Variants in FSTL5 observed in about 807,000 individuals in gnomAD.
FSTL5 encodes follistatin like 5.
A neutral mutation model predicts 89.1 loss-of-function variants in FSTL5; 62 were observed. That is an observed-to-expected ratio of 0.70 (90% CI 0.57 to 0.86). The LOEUF (loss-of-function observed/expected upper bound fraction) is 0.86, where lower values mean the gene tolerates loss of function less well. Among genes scored for constraint, FSTL5 ranks in the 40% least tolerant of loss-of-function variants. The pLI is 0.00. For synonymous variants in FSTL5, 383 were observed against 346.2 expected, an observed-to-expected ratio of 1.11 and a Z score of -1.18; for missense variants, 1,057 against 1,001.6, an observed-to-expected ratio of 1.06 and a Z score of -0.75.
chr4:161,463,432 G>A (rs895621716), intron 13 of FSTL5, among the ~76,000 whole-genome samples: 15 of 152,050 alleles, frequency 9.9e-5, no homozygotes, highest in African/African-American at 3.6e-4. Context: ...TTTTATACAA[G>A]AAACATTTAT....
chr4:162,006,353 G>A lies in FSTL5; in HGVS notation c.160+27272C>T, dbSNP rs546698501. Among the ~76,000 whole-genome samples, 15 of 151,960 alleles carry A rather than the reference G, an allele frequency of 9.9e-5. No individual in the cohort carries two copies. The South Asian group carries it at 3.1e-3, about 31-fold the overall frequency. The stretch of plus-strand genomic sequence containing the variant: ...TCAAGAGAAAATGAGTAAAACTAGA[G>A]CTTTTAAAAATAACCACCTTCCTTT... On this transcript the variant is annotated intron_variant, in intron 3 of 15. Coordinates refer to ENST00000306100, the MANE Select transcript of FSTL5 (RefSeq NM_020116.5).
At chr4:161,388,214 C>G (rs946164511) in intron 15 of FSTL5, 3 of 151,974 alleles carry the variant, frequency 2.0e-5, no homozygotes, top group Non-Finnish European at 4.4e-5. Flanking sequence ...TATTTGCTAA[C>G]TGTTTATCTT....
chr4:161,732,572 C>A (rs1482146328), intron 6 of FSTL5, among the ~76,000 whole-genome samples: 1 of 151,960 alleles, frequency 6.6e-6, no homozygotes, highest in Non-Finnish European at 1.5e-5. Flanking sequence ...TTAGCCAAAA[C>A]AAGGCATGCA....
At chr4:161,837,083 A>G (rs1022817909) in intron 4 of FSTL5, among the ~76,000 whole-genome samples, 10 of 152,176 alleles carry the variant, frequency 6.6e-5, no homozygotes, top group Admixed American at 3.3e-4. Context: ...GTTAAAATGC[A>G]GTGATAGGTG....
chr4:162,150,285 T>C (rs976734483), intron 1 of FSTL5, among the ~76,000 whole-genome samples: 12 of 152,246 alleles, frequency 7.9e-5, no homozygotes, highest in South Asian at 2.1e-4. Context: ...ACAGAGATCA[T>C]TGGAGCCTTT....
intron 3 of FSTL5, among the ~76,000 whole-genome samples, chr4:161,980,021 T>TA (rs1208168707): frequency 9.7e-6 from 1 of 103,218 alleles, no homozygotes; most frequent in Non-Finnish European, 2.1e-5. Flanking sequence ...ACCAAAAAAT[T>TA]AAAAAAATAA....
chr4:161,595,967 T>C (rs548088108), intron 7 of FSTL5, among the ~76,000 whole-genome samples: 1 of 152,144 alleles, frequency 6.6e-6, no homozygotes, highest in Admixed American at 6.6e-5. Context: ...AAGTAACTTA[T>C]TTTCAAATTC....
Position 161,708,220 on chromosome 4 carries a change from T to C in FSTL5, c.727+51191A>G, listed in dbSNP as rs892408153. ...TCTTCTCTATCATGTTTTTTTCACC[T>C]TCGTTTGTTTCAGGTTGAAAACTAC... is the stretch of plus-strand genomic sequence containing the variant. On this transcript the variant is annotated intron_variant, in intron 6 of 15. Transcript: ENST00000306100. Among the ~76,000 whole-genome samples the C allele has an allele frequency of 2.6e-5, 4 of 152,144 alleles. No homozygotes were observed. In the South Asian group the frequency reaches 8.3e-4, roughly 32 times the overall value.
intron 10 of FSTL5, among the ~76,000 whole-genome samples, chr4:161,531,530 C>T (rs1280370871): frequency 1.3e-5 from 2 of 151,998 alleles, no homozygotes; most frequent in African/African-American, 2.4e-5. Flanking sequence ...AGAAGAAAAG[C>T]GCATTACAGA....
At chr4:161,579,731 C>CAAAAAAAAAAAAA (rs33926609) in intron 8 of FSTL5, among the ~76,000 whole-genome samples, 1 of 98,826 alleles carries the variant, frequency 1.0e-5, no homozygotes. Context: ...CAAAAACAAA[C>CAAAAAAAAAAAAA]AAAAAAAAAA....
chr4:161,865,252 G>C (rs1216814259), intron 4 of FSTL5, among the ~76,000 whole-genome samples: 2 of 152,018 alleles, frequency 1.3e-5, no homozygotes, highest in African/African-American at 2.4e-5. Context: ...GATAAAAAGC[G>C]ACCAAGAGTT....
intron 4 of FSTL5, among the ~76,000 whole-genome samples, chr4:161,781,342 T>A (rs950078029): frequency 1.1e-4 from 17 of 151,904 alleles, no homozygotes; most frequent in African/African-American, 1.7e-4. Flanking sequence ...AAAAAAAAAA[T>A]TTAAATCTAA....
chr4:162,149,572 G>C (rs80086708), intron 1 of FSTL5, among the ~76,000 whole-genome samples: 7,364 of 152,064 alleles, frequency 0.048, 361 homozygotes, highest in African/African-American at 0.12. Flanking sequence ...AAGATCGCTA[G>C]AGCCCAGTAG....
rs1424673633 is a variant in FSTL5 at position 161,512,917 on chromosome 4, TATA to T, written c.1313-2496_1313-2494del. ...ATTATCAAGATTGAATTACTGTATT[TATA>T]ATGATTGTTTTACTACACAAACAGA... On this transcript the variant is annotated intron_variant, in intron 10 of 15. Coordinates refer to ENST00000306100, the MANE Select transcript of FSTL5 (RefSeq NM_020116.5). Among the ~76,000 whole-genome samples the T allele has an allele frequency of 5.9e-5, 9 of 152,188 alleles. No individual in the cohort carries two copies. The East Asian group carries it at 1.7e-3, about 29-fold the overall frequency.
At chr4:162,132,154 A>G (rs1010938235) in intron 1 of FSTL5, among the ~76,000 whole-genome samples, 1 of 152,246 alleles carries the variant, frequency 6.6e-6, no homozygotes, top group Non-Finnish European at 1.5e-5. Context: ...AACATTAAGA[A>G]ATAAACAGTG....
At chr4:161,795,583 G>A (rs544410720) in intron 4 of FSTL5, among the ~76,000 whole-genome samples, 4 of 152,084 alleles carry the variant, frequency 2.6e-5, no homozygotes, top group Middle Eastern at 3.4e-3. Flanking sequence ...GTACTATAGC[G>A]AAGCAAACAA....
intron 4 of FSTL5, among the ~76,000 whole-genome samples, chr4:161,849,282 C>A (rs757101004): frequency 6.6e-6 from 1 of 152,042 alleles, no homozygotes; most frequent in African/African-American, 2.4e-5. Flanking sequence ...TGGTTTTCTG[C>A]CTCCTTGCAC....
At chr4:162,062,428 A>G (rs1738751091) in intron 2 of FSTL5, among the ~76,000 whole-genome samples, 1 of 151,870 alleles carries the variant, frequency 6.6e-6, no homozygotes, top group Non-Finnish European at 1.5e-5. Context: ...TCCTGAAAAT[A>G]AATTAAAATA....
rs577998811 is a variant in FSTL5, at chr4:161,437,331, C to T, written c.1841+17673G>A. Among the ~76,000 whole-genome samples, 479 of 152,056 alleles carry T rather than the reference C, an allele frequency of 3.2e-3. 8 individuals are homozygous for T. Among genetic ancestry groups the T allele is most frequent in the Non-Finnish European group, 6.8e-4 (46 of 67,964 alleles). On this transcript the variant is annotated intron_variant, in intron 15 of 15. Coordinates refer to ENST00000306100, the MANE Select transcript of FSTL5 (RefSeq NM_020116.5). The stretch of plus-strand genomic sequence containing the variant: ...CCTGTAATCCCAGCACTTTGGGAGG[C>T]CGAGGCGGGCGGATTACGAGGTCAG...
Sources: gnomAD v4.1 joint callset for allele counts (sites outside exome capture counted in the v4.1 genomes callset) on GRCh38, gnomAD v4.1.1 for gene constraint, MANE v1.5 for transcripts, NCBI Gene and HGNC (gene_info 2026-07-23, HGNC 2026-07-21) for gene names.